The following MMD2 variants were observed in gnomAD, a reference collection of about 807,000 sequenced individuals.
The protein encoded by MMD2 is monocyte to macrophage differentiation factor 2.
A neutral mutation model predicts 33.5 loss-of-function variants in MMD2; 30 were observed. The ratio of observed to expected loss-of-function variants is 0.90; its 90% confidence interval spans 0.67 to 1.22. The LOEUF (loss-of-function observed/expected upper bound fraction) is 1.22. Among genes scored for constraint, MMD2 ranks in the 50% most tolerant of loss-of-function variants. MMD2 has a pLI of 0.00. For synonymous variants in MMD2, 129 were observed against 123.0 expected (o/e 1.05, Z -0.32); for missense variants, 364 against 325.4 (o/e 1.12, Z -0.91).
In MMD2 at chr7:4,946,335, G is replaced by C. The variant is rs368384211; in HGVS notation, c.47+12636C>G. Among the ~76,000 whole-genome samples the C allele has an allele frequency of 2.6e-4, 39 of 152,318 alleles. No homozygotes were observed. In the South Asian group the frequency reaches 7.0e-3, roughly 27 times the overall value. On this transcript the variant is annotated intron_variant, in intron 1 of 6. Coordinates refer to ENST00000401401, the MANE Select transcript of MMD2 (RefSeq NM_198403.4). The surrounding 1 kb of genome is among the most constrained non-coding windows in gnomAD (Gnocchi z 5.0). Reference sequence around the variant, plus strand: ...AATAGCCATGCTCCAAACATGGACGGATCAATTTGTTTCCCTCTGCGGCCT... The same window carrying C: ...AATAGCCATGCTCCAAACATGGACGCATCAATTTGTTTCCCTCTGCGGCCT...
intron 4 of MMD2, among the ~76,000 whole-genome samples, chr7:4,915,759 A>C (rs2115096570): frequency 6.6e-6 from 1 of 152,036 alleles, no homozygotes; most frequent in East Asian, 1.9e-4. Context: ...AGAAAAAAAA[A>C]AAACAATGTA....
At chr7:4,939,734 CTT>C (rs1407509698) in intron 1 of MMD2, among the ~76,000 whole-genome samples, 8 of 136,868 alleles carry the variant, frequency 5.8e-5, no homozygotes, top group Admixed American at 2.2e-4. Context: ...CTATTTCTTT[CTT>C]TCTTTCTTTT....
intron 6 of MMD2, among the ~76,000 whole-genome samples, chr7:4,908,343 T>C (rs1177901275): frequency 6.6e-6 from 1 of 151,782 alleles, no homozygotes; most frequent in African/African-American, 2.4e-5. Flanking sequence ...GGTTTCACCA[T>C]GTTGGCCAGG....
intron 4 of MMD2, among the ~76,000 whole-genome samples, chr7:4,912,876 G>A (rs1036257609): frequency 1.3e-5 from 2 of 151,970 alleles, no homozygotes; most frequent in African/African-American, 4.8e-5. Flanking sequence ...GCTAATTTTT[G>A]TATTTGTAGT....
chr7:4,934,304 A>G (rs573226173), intron 1 of MMD2, among the ~76,000 whole-genome samples: 1 of 121,334 alleles, frequency 8.2e-6, no homozygotes. Context: ...GGGTTTTGCC[A>G]TGTTGCCCAG....
rs1419654879 is a variant in MMD2 at position 4,919,551 on chromosome 7, G to C, written c.290+620C>G. Among the ~76,000 whole-genome samples the C allele has an allele frequency of 2.0e-5, 3 of 152,104 alleles. No individual in the cohort carries two copies. In the East Asian group the frequency reaches 5.8e-4, roughly 29 times the overall value. ...CCACTGCACTCCAGCCTGGGCAACAGATTGAGACTCTTTCTCAAAAAACAA... is the reference window on the plus strand; with the variant it reads ...CCACTGCACTCCAGCCTGGGCAACACATTGAGACTCTTTCTCAAAAAACAA... On this transcript the variant is annotated intron_variant, in intron 3 of 6. Transcript: ENST00000401401.
At chr7:4,922,083 A>G (rs1240905190) in intron 2 of MMD2, among the ~76,000 whole-genome samples, 2 of 151,816 alleles carry the variant, frequency 1.3e-5, no homozygotes, top group Non-Finnish European at 2.9e-5. Context: ...TAAATTAGCT[A>G]GGCATGGTGG....
intron 1 of MMD2, among the ~76,000 whole-genome samples, chr7:4,937,993 TCTTTCTTTC>T (rs1785791387): frequency 9.0e-6 from 1 of 110,808 alleles, no homozygotes; most frequent in Non-Finnish European, 1.9e-5. Context: ...TTTCTTTTTT[TCTTTCTTTC>T]TTTTTTTTTT....
intron 4 of MMD2, 110 bp from the exon 5 acceptor site, chr7:4,911,356 G>T (rs1785003601): frequency 1.3e-6 from 1 of 783,018 alleles, no homozygotes; most frequent in African/African-American, 1.7e-5. Context: ...CCTGTCACCT[G>T]TGACTCCACG....
At chr7:4,917,418 T>A (rs1454792493) in intron 3 of MMD2, among the ~76,000 whole-genome samples, 1 of 152,086 alleles carries the variant, frequency 6.6e-6, no homozygotes, top group Non-Finnish European at 1.5e-5. Context: ...TCCCAGCACT[T>A]TGGGAGGCCA....
At chr7:4,928,091 C>T (rs1387782423) in intron 1 of MMD2, among the ~76,000 whole-genome samples, 4 of 152,180 alleles carry the variant, frequency 2.6e-5, no homozygotes, top group Non-Finnish European at 4.4e-5. Context: ...TGCATGTCTT[C>T]GGCCCACACA....
intron 1 of MMD2, among the ~76,000 whole-genome samples, chr7:4,958,391 AGACGGAGGTTCTGAGGGG>A (rs1212266264): frequency 6.6e-6 from 1 of 152,184 alleles, no homozygotes; most frequent in Non-Finnish European, 1.5e-5. Flanking sequence ...TTTACAAAAG[AGACGGAGGTTCTGAGGGG>A]ACCACGGAGT....
chr7:4,927,384 A>G (rs1431201079), intron 1 of MMD2, among the ~76,000 whole-genome samples: 1 of 152,042 alleles, frequency 6.6e-6, no homozygotes, highest in Non-Finnish European at 1.5e-5. Flanking sequence ...ATCTCTACTA[A>G]AAATACAAAA....
chr7:4,958,885 GGCCC>G, intron 1 of MMD2, 82 bp downstream of exon 1: 1 of 1,164,210 alleles, frequency 8.6e-7, no homozygotes, highest in Non-Finnish European at 1.1e-6. Context: ...CGGGCGGCGG[GGCCC>G]GAGAACCAAG....
At chr7:4,951,718 G>A (rs1483995644) in intron 1 of MMD2, among the ~76,000 whole-genome samples, 1 of 152,106 alleles carries the variant, frequency 6.6e-6, no homozygotes, top group African/African-American at 2.4e-5. Flanking sequence ...TCCCATCTCA[G>A]CCTCCAAAGT....
At chr7:4,958,286 A>T (rs1786442774) in intron 1 of MMD2, among the ~76,000 whole-genome samples, 1 of 152,178 alleles carries the variant, frequency 6.6e-6, no homozygotes, top group Non-Finnish European at 1.5e-5. Context: ...ATGTAAAAGG[A>T]GAAACCCCCT....
At chr7:4,924,516 C>A (rs906228318) in intron 2 of MMD2, among the ~76,000 whole-genome samples, 1 of 152,220 alleles carries the variant, frequency 6.6e-6, no homozygotes, top group Non-Finnish European at 1.5e-5. Flanking sequence ...TGGAGCACTG[C>A]CTGCTGCCTT....
chr7:4,912,516 C>T (rs919090590), intron 4 of MMD2, among the ~76,000 whole-genome samples: 10 of 150,386 alleles, frequency 6.6e-5, no homozygotes, highest in Admixed American at 1.3e-4. Flanking sequence ...GAGCCAAGAT[C>T]GCGCCACTGC....
chr7:4,894,019 A>G, the MMD2 span, among the ~76,000 whole-genome samples: 2 of 152,036 alleles, frequency 1.3e-5, no homozygotes, highest in African/African-American at 2.4e-5. This position sits in a 1 kb window ranked among gnomAD's most constrained non-coding sequence, Gnocchi z 4.3. Flanking sequence ...CTGACCTCCT[A>G]TCTCATCCTG....
Sources: allele counts gnomAD v4.1 joint callset (sites outside exome capture counted in the v4.1 genomes callset), GRCh38; gene constraint gnomAD v4.1.1; non-coding constraint Gnocchi (gnomAD v3.1); transcripts MANE v1.5; gene names NCBI Gene and HGNC (gene_info 2026-07-23, HGNC 2026-07-21).